The following BICD1 variants were observed in gnomAD, a reference collection of about 807,000 sequenced individuals.
BICD1 encodes the protein protein bicaudal D homolog 1.
Under a neutral mutation model 92.5 loss-of-function variants are expected in BICD1, and 35 were observed. The observed-to-expected ratio is 0.38, with a 90% CI of 0.29 to 0.50. The LOEUF is 0.50. Among genes scored for constraint, BICD1 ranks in the 20% least tolerant of loss-of-function variants. The pLI is 0.93. For missense variants in BICD1, 950 were observed against 1,189.8 expected (o/e 0.80, Z 2.97); for synonymous variants, 429 against 465.1 (o/e 0.92, Z 1.00).
chr12:32,319,744 ATT>A (rs1948598635), intron 4 of BICD1, among the ~76,000 whole-genome samples: 1 of 151,962 alleles, frequency 6.6e-6, no homozygotes, highest in Admixed American at 6.6e-5. Context: ...CATCAGGCTA[ATT>A]TTTGTATTTT....
At chr12:32,357,533 C>G (rs1157509625) in intron 8 of BICD1, among the ~76,000 whole-genome samples, 1 of 152,148 alleles carries the variant, frequency 6.6e-6, no homozygotes, top group Non-Finnish European at 1.5e-5. Context: ...GTATCAAAGG[C>G]TGTGTTAGTC....
At position 32,337,979 on chromosome 12, in the gene BICD1, AC is replaced by A. The variant is rs1938207222; in HGVS notation, c.2570+165del. On this transcript the variant is annotated intron_variant, in intron 7 of 9. Transcript: ENST00000652176. The surrounding 1 kb of genome is among the most constrained non-coding windows in gnomAD (Gnocchi z 4.7). ...CTAATGTGGGTCTTTCCAGATCAAA[AC>A]CTTTTTGATAATTGTGTTTATGTAG... is the stretch of plus-strand genomic sequence containing the variant. 5.7e-6 allele frequency: 4 copies of A among 703,120 alleles called. No individual in the cohort carries two copies. Among genetic ancestry groups the A allele is most frequent in the African/African-American group, 1.8e-5 (1 of 55,792 alleles). The allele number at this position is 703,120 out of a possible 1,614,324, so 43.6% of individuals were successfully genotyped here.
At chr12:32,315,142 G>T (rs1948466928) in intron 4 of BICD1, among the ~76,000 whole-genome samples, 1 of 152,104 alleles carries the variant, frequency 6.6e-6, no homozygotes, top group South Asian at 2.1e-4. Flanking sequence ...ATGATATGAG[G>T]AAGAGATCAA....
chr12:32,133,687 T>A (rs929690243), intron 1 of BICD1, among the ~76,000 whole-genome samples: 3 of 152,182 alleles, frequency 2.0e-5, no homozygotes, highest in Admixed American at 6.5e-5. Flanking sequence ...AACTGTTAAG[T>A]CATTTTTATT....
At chr12:32,224,681 T>G (rs1205647090) in intron 2 of BICD1, among the ~76,000 whole-genome samples, 1 of 152,174 alleles carries the variant, frequency 6.6e-6, no homozygotes, top group Non-Finnish European at 1.5e-5. Context: ...CATAGAATTT[T>G]TGTGTGTGTG....
intron 1 of BICD1, among the ~76,000 whole-genome samples, chr12:32,139,485 C>T (rs1942832229): frequency 6.6e-6 from 1 of 152,206 alleles, no homozygotes; most frequent in South Asian, 2.1e-4. Flanking sequence ...CCTTACACGT[C>T]GCTCAGTAAA....
chr12:32,375,349 T>C (rs1341371118), intron 9 of BICD1, among the ~76,000 whole-genome samples: 2 of 151,994 alleles, frequency 1.3e-5, no homozygotes, highest in East Asian at 3.9e-4. Flanking sequence ...GCCAAAATGG[T>C]GAAAGTCCGT....
intron 2 of BICD1, chr12:32,227,930 A>C (rs1198898402): frequency 1.1e-5 from 2 of 176,502 alleles, no homozygotes; most frequent in Non-Finnish European, 2.5e-5. Flanking sequence ...ACAGTCCTTC[A>C]TCAGGTGAAA....
chr12:32,212,207 TTTTTTG>T (rs1304879939), intron 1 of BICD1, among the ~76,000 whole-genome samples: 1 of 151,936 alleles, frequency 6.6e-6, no homozygotes, highest in South Asian at 2.1e-4. Context: ...TTTTCAGTGT[TTTTTTG>T]TTTTTGTTTT....
chr12:32,110,829 G>A (rs1941657462), intron 1 of BICD1, among the ~76,000 whole-genome samples: 1 of 134,954 alleles, frequency 7.4e-6, no homozygotes, highest in African/African-American at 2.8e-5. Context: ...ACACTCTGGG[G>A]ACTGTTGTGG....
chr12:32,182,274 C>CTTTTTTTTTTTTTTTTTTTTTT (rs1944292915), intron 1 of BICD1, among the ~76,000 whole-genome samples: 1 of 84,996 alleles, frequency 1.2e-5, no homozygotes, highest in African/African-American at 3.6e-5. Flanking sequence ...TTCTTTCTTT[C>CTTTTTTTTTTTTTTTTTTTTTT]TTTCTTTTTT....
chr12:32,269,146 A>T (rs1947074206), intron 2 of BICD1, among the ~76,000 whole-genome samples: 1 of 149,538 alleles, frequency 6.7e-6, no homozygotes, highest in Admixed American at 6.7e-5. Flanking sequence ...CAGCTGCATT[A>T]TTTTTTTTTT....
Position 32,367,705 on chromosome 12 carries a change from T to C in BICD1, c.2800T>C (p.Cys934Arg), listed in dbSNP as rs755803723. 4 of 1,614,062 alleles carry C rather than the reference T, an allele frequency of 2.5e-6. No homozygotes were observed. The South Asian group carries it at 3.3e-5, about 13-fold the overall frequency. The change falls in exon 9 of 10, where the codon TGC (cysteine) becomes CGC (arginine). Residue 934 changes from cysteine (C) to arginine (R), a missense_variant. By Grantham distance (180) the Cys-to-Arg change is radical. This residue lies in a region of BICD1 where 179 missense variants were observed against 186.7 expected (regional missense o/e 0.96). Coordinates refer to ENST00000652176, the MANE Select transcript of BICD1 (RefSeq NM_001714.4). The stretch of plus-strand genomic sequence containing the variant: ...GCCTGCTGCCTCCGTACCGCCACAG[T>C]GCTCACAACTAGCCGGGAGGCAAGA... ...QQPAASVPPQ[C>R]SQLAGRQDCP...
At chr12:32,360,147 C>T (rs2136319726) in intron 8 of BICD1, among the ~76,000 whole-genome samples, 1 of 151,664 alleles carries the variant, frequency 6.6e-6, no homozygotes, top group South Asian at 2.1e-4. Context: ...CACTGCACTC[C>T]AGCCTGTGCG....
chr12:32,181,537 A>G lies in BICD1; in HGVS notation c.214-34710A>G, dbSNP rs1002062004. Among the ~76,000 whole-genome samples, 17 of 151,920 alleles carry G rather than the reference A, an allele frequency of 1.1e-4. 1 individual carries two copies. The East Asian group carries it at 3.3e-3, about 29-fold the overall frequency. On this transcript the variant is annotated intron_variant, in intron 1 of 9. Coordinates refer to ENST00000652176, the MANE Select transcript of BICD1 (RefSeq NM_001714.4). ...TTAAACTTGATTTTTTTTCTCTAAC[A>G]TTTGAAATCATTAAAAGTTACTATC...
At chr12:32,334,116 TTATTCC>T (rs1216428385) in intron 5 of BICD1, among the ~76,000 whole-genome samples, 1 of 152,238 alleles carries the variant, frequency 6.6e-6, no homozygotes, top group Non-Finnish European at 1.5e-5. Context: ...TCCAATTTGA[TTATTCC>T]TATTGAAGCT....
At chr12:32,349,092 C>G (rs1185040713) in intron 8 of BICD1, among the ~76,000 whole-genome samples, 1 of 152,024 alleles carries the variant, frequency 6.6e-6, no homozygotes, top group African/African-American at 2.4e-5. Flanking sequence ...CATTCCCTTG[C>G]CTTCATATCC....
At chr12:32,329,871 A>G (rs1937764060) in intron 5 of BICD1, among the ~76,000 whole-genome samples, 1 of 152,154 alleles carries the variant, frequency 6.6e-6, no homozygotes, top group African/African-American at 2.4e-5. Context: ...TTTCACCTTT[A>G]TTTAGTTTAT....
At chr12:32,358,778 T>G (rs1430272432) in intron 8 of BICD1, among the ~76,000 whole-genome samples, 3 of 152,176 alleles carry the variant, frequency 2.0e-5, no homozygotes, top group Non-Finnish European at 4.4e-5. Context: ...ATAAACTTAG[T>G]TTCTCATTTC....
Sources: gnomAD v4.1 joint callset for allele counts (sites outside exome capture counted in the v4.1 genomes callset) on GRCh38, gnomAD v4.1.1 for gene constraint, gnomAD v4.1.1 regional missense constraint, Gnocchi (gnomAD v3.1) non-coding constraint, MANE v1.5 for transcripts, NCBI Gene and HGNC (gene_info 2026-07-23, HGNC 2026-07-21) for gene names.